The following TNFRSF10B variants were observed in gnomAD, a reference collection of about 807,000 sequenced individuals.
TNFRSF10B encodes tumor necrosis factor receptor superfamily member 10B.
A neutral mutation model predicts 41.4 loss-of-function variants in TNFRSF10B; 35 were observed. The observed-to-expected ratio is 0.85, with a 90% confidence interval of 0.65 to 1.12. The LOEUF is 1.12. Ranked by LOEUF, TNFRSF10B falls within the 50% of genes most tolerant of loss-of-function variation. TNFRSF10B has a pLI of 0.00. For missense variants in TNFRSF10B, 584 were observed against 552.7 expected, an observed-to-expected ratio of 1.06 and a Z score of -0.57; for synonymous variants, 230 against 215.5, an observed-to-expected ratio of 1.07 and a Z score of -0.59.
At chr8:23,068,461 G>A (rs967363646) in intron 1 of TNFRSF10B, 6 of 520,422 alleles carry the variant, frequency 1.2e-5, no homozygotes, top group East Asian at 1.0e-4. Flanking sequence ...CGACCTCTCC[G>A]TGGCTTCACG....
chr8:23,042,982 C>T (rs1812249404), intron 2 of TNFRSF10B, 156 bp downstream of exon 2: 1 of 643,574 alleles, frequency 1.6e-6, no homozygotes, highest in African/African-American at 1.8e-5. Flanking sequence ...TTGATACCAT[C>T]CTAGCAGGAA....
chr8:23,027,415 G>T, intron 6 of TNFRSF10B, 127 bp from the exon 7 acceptor site: 1 of 1,224,152 alleles, frequency 8.2e-7, no homozygotes, highest in Non-Finnish European at 1.2e-6. Flanking sequence ...ACCGCAGGCA[G>T]CCCAGACTCA....
chr8:23,023,992 G>A (rs1052468077), intron 8 of TNFRSF10B, among the ~76,000 whole-genome samples, 196 bp downstream of exon 8: 3 of 152,082 alleles, frequency 2.0e-5, no homozygotes, highest in African/African-American at 7.2e-5. Flanking sequence ...TCAATGATAG[G>A]GTGCAGAGAG....
At chr8:23,027,920 G>T in intron 5 of TNFRSF10B, 167 bp from the exon 6 acceptor site, 1 of 745,896 alleles carries the variant, frequency 1.3e-6, no homozygotes, top group South Asian at 1.6e-5. Flanking sequence ...CCTGAGGAAG[G>T]GGGATGAGAA....
rs1563303090 is a variant in TNFRSF10B at position 23,022,104 on chromosome 8, CA to C, written c.*566del. The stretch of plus-strand genomic sequence containing the variant: ...AGAGCCCCTATATCTAGACAAAATA[CA>C]AAAAATTAGCCGGGCGTGGTGGTGC... On this transcript the variant is annotated 3_prime_UTR_variant, in exon 9 of 9. Transcript: ENST00000276431. The C allele has an allele frequency of 7.1e-6, 3 of 422,694 alleles. No individual in the cohort carries two copies. The highest frequency in any genetic ancestry group is 7.1e-5 in the East Asian group (1 of 14,124). The allele number at this position is 422,694 out of a possible 1,614,324, so 26.2% of individuals were successfully genotyped here. A position where few individuals can be genotyped will look rare whatever the true frequency, so the allele number is the denominator to read the frequency against.
chr8:23,029,251 C>T (rs1371107899), intron 4 of TNFRSF10B, among the ~76,000 whole-genome samples: 1 of 152,182 alleles, frequency 6.6e-6, no homozygotes, highest in Non-Finnish European at 1.5e-5. Flanking sequence ...TTAAAAAATA[C>T]ATTTTATTGC....
At chr8:23,042,455 A>G (rs1812230270) in intron 2 of TNFRSF10B, among the ~76,000 whole-genome samples, 1 of 152,182 alleles carries the variant, frequency 6.6e-6, no homozygotes, top group Non-Finnish European at 1.5e-5. Context: ...AGTCAAGCAC[A>G]CTTCAGGCCA....
intron 1 of TNFRSF10B, among the ~76,000 whole-genome samples, chr8:23,058,068 G>A (rs1475554217): frequency 1.3e-5 from 2 of 152,126 alleles, no homozygotes; most frequent in African/African-American, 4.8e-5. Context: ...CCAACATGGT[G>A]AAACCCCATC....
chr8:23,057,089 G>A (rs957354877), intron 1 of TNFRSF10B, among the ~76,000 whole-genome samples: 1 of 149,556 alleles, frequency 6.7e-6, no homozygotes, highest in Admixed American at 6.7e-5. Flanking sequence ...AGGCTGGATG[G>A]AGTGCAGTGG....
At chr8:23,042,994 G>T (rs548819477) in intron 2 of TNFRSF10B, 144 bp downstream of exon 2, 3 of 681,668 alleles carry the variant, frequency 4.4e-6, no homozygotes, top group Non-Finnish European at 7.6e-6. Context: ...TAGCAGGAAG[G>T]CTCCAGAAGG....
At chr8:23,043,895 C>T (rs1172198490) in intron 1 of TNFRSF10B, among the ~76,000 whole-genome samples, 1 of 152,184 alleles carries the variant, frequency 6.6e-6, no homozygotes, top group African/African-American at 2.4e-5. Context: ...TATGACACAC[C>T]TGGCCTATAT....
At chr8:23,041,033 T>C (rs1000662067) in intron 2 of TNFRSF10B, among the ~76,000 whole-genome samples, 2 of 149,982 alleles carry the variant, frequency 1.3e-5, no homozygotes, top group African/African-American at 4.9e-5. Flanking sequence ...ACAAAATGAC[T>C]GCAAAGATAT....
intron 8 of TNFRSF10B, among the ~76,000 whole-genome samples, 166 bp from the exon 9 acceptor site, chr8:23,023,150 A>G (rs1344387331): frequency 6.6e-6 from 1 of 151,874 alleles, no homozygotes; most frequent in Non-Finnish European, 1.5e-5. Flanking sequence ...GAGCGCGCCC[A>G]CACTGCCTGG....
intron 2 of TNFRSF10B, among the ~76,000 whole-genome samples, chr8:23,039,316 G>C (rs1182199465): frequency 1.3e-5 from 2 of 152,040 alleles, no homozygotes; most frequent in Non-Finnish European, 2.9e-5. Flanking sequence ...CCCTGCTCTA[G>C]AGAGATAAAG....
rs778458163 is a variant in TNFRSF10B, at chr8:23,068,959, C to T, written c.-65G>A. The T allele has an allele frequency of 1.2e-6, 2 of 1,611,768 alleles. No homozygotes were observed. The highest frequency in any genetic ancestry group is 1.1e-5 in the South Asian group (1 of 90,952). ...GTTTCAGCCCTTAAAGTAGATCGGG[C>T]ATCGTCGGTGTATTTTGTGGGCGCA... On this transcript the variant is annotated 5_prime_UTR_variant, in exon 1 of 9. It removes an upstream start codon present in the reference 5' UTR. Coordinates refer to ENST00000276431, the MANE Select transcript of TNFRSF10B (RefSeq NM_003842.5).
At chr8:23,067,790 T>A (rs575916501) in intron 1 of TNFRSF10B, among the ~76,000 whole-genome samples, 1 of 152,344 alleles carries the variant, frequency 6.6e-6, no homozygotes, top group South Asian at 2.1e-4. Context: ...TCTCTTGACC[T>A]TCCTTTCACT....
rs1585206635 is a variant in TNFRSF10B, at chr8:23,027,457, C to G, written c.781-169G>C. The stretch of plus-strand genomic sequence containing the variant: ...CCAGGACCCGCTGCTGGGGCCAGGC[C>G]CCCAGTGCTGTGCTCAGGCAGACAC... On this transcript the variant is annotated intron_variant, in intron 6 of 8. Transcript: ENST00000276431. 32 of 885,726 alleles carry G rather than the reference C, an allele frequency of 3.6e-5. No homozygotes were observed. The East Asian group carries it at 8.1e-4, about 23-fold the overall frequency. 54.9% of individuals were successfully genotyped at this position (885,726 alleles called of 1,614,324 possible). A position where few individuals can be genotyped will look rare whatever the true frequency, so the allele number is the denominator to read the frequency against.
intron 1 of TNFRSF10B, among the ~76,000 whole-genome samples, chr8:23,052,503 G>C (rs953639126): frequency 2.0e-5 from 3 of 151,720 alleles, no homozygotes; most frequent in Non-Finnish European, 4.4e-5. Flanking sequence ...AGCCAGGATG[G>C]TCTTGATCTC....
At chr8:23,033,400 C>T (rs903117174) in intron 2 of TNFRSF10B, among the ~76,000 whole-genome samples, 24 of 151,602 alleles carry the variant, frequency 1.6e-4, no homozygotes, top group Middle Eastern at 3.4e-3. Flanking sequence ...CTGGCTAACA[C>T]GGTGAAACCC....
Sources: allele counts gnomAD v4.1 joint callset (sites outside exome capture counted in the v4.1 genomes callset), GRCh38; gene constraint gnomAD v4.1.1; transcripts MANE v1.5; gene names NCBI Gene and HGNC (gene_info 2026-07-23, HGNC 2026-07-21).